CAPN2: variants seen among roughly 807,000 people sequenced by gnomAD.
The protein encoded by CAPN2 is calpain-2 catalytic subunit.
CAPN2 carries 92 observed loss-of-function variants against 102.3 expected under a neutral mutation model. That is an observed-to-expected ratio of 0.90 (90% CI 0.76 to 1.07). The LOEUF (loss-of-function observed/expected upper bound fraction) is 1.07. Among genes scored for constraint, CAPN2 ranks in the 50% least tolerant of loss-of-function variants. The pLI, the probability that CAPN2 is intolerant of heterozygous loss-of-function variation, is 0.00. For synonymous variants in CAPN2, 340 were observed against 355.4 expected, an observed-to-expected ratio of 0.96 and a Z score of 0.49; for missense variants, 800 against 909.4, an observed-to-expected ratio of 0.88 and a Z score of 1.55.
In CAPN2 at chr1:223,745,431, A is replaced by G. The variant is rs1489716737; in HGVS notation, c.552A>G (p.Ala184=). 2 of 1,614,232 alleles carry G rather than the reference A, an allele frequency of 1.2e-6. No individual in the cohort carries two copies. Among genetic ancestry groups the G allele is most frequent in the Admixed American group, 1.7e-5 (1 of 60,024 alleles). ...TCTGGAGCGCCCTGCTGGAGAAGGC[A>G]TACGCCAAGTAAGTTGCCATCCTCC... ...SEFWSALLEK[A]YAKINGCYEA... The change falls in exon 4 of 21, where the codon GCA becomes GCG. Residue 184 remains alanine, a synonymous_variant. Transcript: ENST00000295006.
rs10556130 is a variant in CAPN2, at chr1:223,719,805, C to CGTGTGTGT, written c.307+1994_307+2001dup. On this transcript the variant is annotated intron_variant, in intron 2 of 20. Transcript: ENST00000295006. ...GTCTGTAATTTCTCAGGGGTGTGTG[C>CGTGTGTGT]GTGTGTGTGTGTGTGTGTGTGTGTG... Among the ~76,000 whole-genome samples the CGTGTGTGT allele has an allele frequency of 1.7e-3, 251 of 143,738 alleles. 1 individual carries two copies. Among genetic ancestry groups the CGTGTGTGT allele is most frequent in the Non-Finnish European group, 2.9e-3 (193 of 66,684 alleles). 94.3% of individuals were successfully genotyped at this position (143,738 alleles called of 152,430 possible).
intron 14 of CAPN2, among the ~76,000 whole-genome samples, chr1:223,762,642 CAG>C (rs1436591501): frequency 6.6e-6 from 1 of 152,162 alleles, no homozygotes; most frequent in Non-Finnish European, 1.5e-5. Context: ...CCACCTGCAA[CAG>C]AGTGTTTGAA....
rs181413747 is a variant in CAPN2, at chr1:223,761,206, C to T, written c.1530-375C>T. 3.5e-4 allele frequency among the ~76,000 whole-genome samples: 53 copies of T among 152,356 alleles called. No homozygotes were observed. In the South Asian group the frequency reaches 9.1e-3, roughly 26 times the overall value. ...AGGCTAGGACGAACACCACGCTACA[C>T]GCGAAGGCTATCCTATTTGATAAAG... On this transcript the variant is annotated intron_variant, in intron 12 of 20. Transcript: ENST00000295006.
At chr1:223,748,155 G>A (rs1173230839) in intron 5 of CAPN2, among the ~76,000 whole-genome samples, 1 of 152,222 alleles carries the variant, frequency 6.6e-6, no homozygotes, top group African/African-American at 2.4e-5. Flanking sequence ...ACTTCGGAAG[G>A]AAGAGGAGGA....
At chr1:223,739,913 T>C (rs1435984200) in intron 2 of CAPN2, among the ~76,000 whole-genome samples, 1 of 152,196 alleles carries the variant, frequency 6.6e-6, no homozygotes, top group Non-Finnish European at 1.5e-5. Context: ...CTGGCTTATT[T>C]TATCCGGACC....
intron 1 of CAPN2, among the ~76,000 whole-genome samples, chr1:223,703,622 T>C (rs1038117488): frequency 4.6e-5 from 7 of 152,220 alleles, no homozygotes; most frequent in African/African-American, 1.7e-4. Flanking sequence ...ACACCGCCTT[T>C]CCTTCCCCAT....
chr1:223,718,187 G>A (rs766832052), intron 2 of CAPN2, among the ~76,000 whole-genome samples: 5 of 152,248 alleles, frequency 3.3e-5, no homozygotes, highest in Non-Finnish European at 7.3e-5. Context: ...AGAGGACTAG[G>A]TGGGAGGACT....
intron 6 of CAPN2, among the ~76,000 whole-genome samples, chr1:223,750,135 A>G (rs1387807449): frequency 6.6e-6 from 1 of 152,164 alleles, no homozygotes; most frequent in Non-Finnish European, 1.5e-5. Flanking sequence ...CCTCACACAC[A>G]CACGTCTTTT....
upstream of CAPN2, among the ~76,000 whole-genome samples, chr1:223,711,607 CATTTT>C (rs71845672): frequency 0.2 from 30,307 of 151,900 alleles, 3,392 homozygotes; most frequent in African/African-American, 0.3. Flanking sequence ...TTGGCCAAAT[CATTTT>C]ATTTTATTTT....
intron 2 of CAPN2, among the ~76,000 whole-genome samples, chr1:223,720,566 C>T (rs763415115): frequency 2.0e-5 from 3 of 152,132 alleles, no homozygotes; most frequent in Non-Finnish European, 4.4e-5. Flanking sequence ...ATCCACCCAC[C>T]TCGGCCTCCC....
At position 223,712,636 on chromosome 1, in the gene CAPN2, G is replaced by C; in HGVS notation, c.-5G>C. 1 of 1,521,452 alleles carries C rather than the reference G, an allele frequency of 6.6e-7. No individual in the cohort carries two copies. The highest frequency in any genetic ancestry group is 8.8e-7 in the Non-Finnish European group (1 of 1,134,238). 94.2% of individuals were successfully genotyped at this position (1,521,452 alleles called of 1,614,324 possible). A position where few individuals can be genotyped will look rare whatever the true frequency, so the allele number is the denominator to read the frequency against. On this transcript the variant is annotated 5_prime_UTR_variant, in exon 1 of 21. Transcript: ENST00000295006. The stretch of plus-strand genomic sequence containing the variant: ...TCTGCGCAGTACGGCCGCCGGGACC[G>C]CAGCATGGCGGGCATCGCGGCCAAG...
At chr1:223,771,991 C>A in intron 19 of CAPN2, 66 bp downstream of exon 19, 1 of 1,238,440 alleles carries the variant, frequency 8.1e-7, no homozygotes, top group Admixed American at 1.7e-5. Flanking sequence ...TGCCTTTCAC[C>A]TCGGTGAAAT....
rs1044093546 is a variant in CAPN2 at position 223,754,189 on chromosome 1, G to A, written c.1135+1233G>A. 2.6e-5 allele frequency among the ~76,000 whole-genome samples: 4 copies of A among 152,232 alleles called. No homozygotes were observed. The highest frequency in any genetic ancestry group is 9.7e-5 in the African/African-American group (4 of 41,450). On this transcript the variant is annotated intron_variant, in intron 9 of 20. Coordinates refer to ENST00000295006, the MANE Select transcript of CAPN2 (RefSeq NM_001748.5). The surrounding 1 kb of genome is among the most constrained non-coding windows in gnomAD (Gnocchi z 4.7). Reference sequence around the variant, plus strand: ...ATAGTGATTCTCTGTGACAGATGAGGAAGCTGAGCCTCTAAGTCGCATACC... The same window carrying A: ...ATAGTGATTCTCTGTGACAGATGAGAAAGCTGAGCCTCTAAGTCGCATACC...
chr1:223,762,092 G>C, intron 13 of CAPN2, 94 bp from the exon 14 acceptor site: 4 of 1,015,928 alleles, frequency 3.9e-6, no homozygotes, highest in Non-Finnish European at 6.1e-6. Context: ...GGGTAGAGAA[G>C]GGGAGTGGGA....
intron 2 of CAPN2, among the ~76,000 whole-genome samples, chr1:223,737,571 C>T (rs949566911): frequency 1.5e-4 from 23 of 151,998 alleles, no homozygotes; most frequent in Middle Eastern, 3.2e-3. Flanking sequence ...AGGCAGGTGT[C>T]AGGCTCCTGG....
chr1:223,719,706 T>C (rs1026194285), intron 2 of CAPN2, among the ~76,000 whole-genome samples: 1 of 152,210 alleles, frequency 6.6e-6, no homozygotes, highest in Non-Finnish European at 1.5e-5. Context: ...TTAACATTCC[T>C]GGGAGAAATT....
intron 2 of CAPN2, among the ~76,000 whole-genome samples, chr1:223,738,656 C>T (rs1334565928): frequency 6.6e-6 from 1 of 152,194 alleles, no homozygotes; most frequent in Admixed American, 6.5e-5. Context: ...AGAAGGTGAA[C>T]AGCTGACAGG....
rs773735907 is a variant in CAPN2, at chr1:223,731,956, C to T, written c.308-12144C>T. ...GTATCAGTTGCAAAGAAAGAACACT[C>T]AGTTGGAAAAAAAGGCAAGAGGGTT... On this transcript the variant is annotated intron_variant, in intron 2 of 20. Coordinates refer to ENST00000295006, the MANE Select transcript of CAPN2 (RefSeq NM_001748.5). This position sits in a 1 kb window ranked among gnomAD's most constrained non-coding sequence, Gnocchi z 4.2. Among the ~76,000 whole-genome samples, 1 of 151,992 alleles carries T rather than the reference C, an allele frequency of 6.6e-6. No individual in the cohort carries two copies. The highest frequency in any genetic ancestry group is 6.5e-5 in the Admixed American group (1 of 15,280).
At chr1:223,769,201 CCTCCGCCTCCCAGGTTCAGGTGATT>C (rs1558079446) in intron 16 of CAPN2, among the ~76,000 whole-genome samples, 1 of 152,168 alleles carries the variant, frequency 6.6e-6, no homozygotes, top group Admixed American at 6.5e-5. Context: ...CTCACTCGAA[CCTCCGCCTCCCAGGTTCAGGTGATT>C]CTCCCCCCTC....
Sources: allele counts gnomAD v4.1 joint callset (sites outside exome capture counted in the v4.1 genomes callset), GRCh38; gene constraint gnomAD v4.1.1; non-coding constraint Gnocchi (gnomAD v3.1); transcripts MANE v1.5; gene names NCBI Gene and HGNC (gene_info 2026-07-23, HGNC 2026-07-21).